Variants in ANO2 observed in about 807,000 individuals in gnomAD.
ANO2 encodes the protein anoctamin-2.
In ANO2, 101 loss-of-function variants were observed where a neutral mutation model predicts 124.2. That is an observed-to-expected ratio of 0.81 (90% CI 0.69 to 0.96). The LOEUF (loss-of-function observed/expected upper bound fraction) is 0.96, where lower values mean the gene tolerates loss of function less well. Ranked by LOEUF, ANO2 falls within the 40% of genes least tolerant of loss-of-function variation. ANO2 has a pLI of 0.00. For synonymous variants in ANO2, 486 were observed against 482.5 expected, an observed-to-expected ratio of 1.01 and a Z score of -0.09; for missense variants, 1,293 against 1,274.5, an observed-to-expected ratio of 1.01 and a Z score of -0.22.
At chr12:5,750,026 G>C (rs966888647) in intron 11 of ANO2, among the ~76,000 whole-genome samples, 1 of 151,902 alleles carries the variant, frequency 6.6e-6, no homozygotes, top group African/African-American at 2.4e-5. Context: ...AAGCTCCTGG[G>C]CTCAAGCAGT....
At chr12:5,881,077 C>G (rs542960227) in intron 3 of ANO2, among the ~76,000 whole-genome samples, 3 of 152,220 alleles carry the variant, frequency 2.0e-5, no homozygotes, top group African/African-American at 7.2e-5. Context: ...AGCATCCCTT[C>G]CAGAATAAGT....
At chr12:5,627,746 T>C (rs1444728633) in intron 16 of ANO2, among the ~76,000 whole-genome samples, 4 of 152,172 alleles carry the variant, frequency 2.6e-5, no homozygotes, top group African/African-American at 9.7e-5. Flanking sequence ...AGTAATAATA[T>C]ATTGCCTTTT....
chr12:5,915,978 T>C lies in ANO2; in HGVS notation c.534+5062A>G, dbSNP rs1941352730. 2.6e-5 allele frequency among the ~76,000 whole-genome samples: 4 copies of C among 152,064 alleles called. No individual in the cohort carries two copies. The South Asian group carries it at 8.3e-4, about 32-fold the overall frequency. ...GTGGTGGCTGCAAACTGCTCATTCA[T>C]TAAAATAATGGAGTCTGGCCAGGCA... On this transcript the variant is annotated intron_variant, in intron 3 of 24. Coordinates refer to ENST00000682330, the MANE Select transcript of ANO2 (RefSeq NM_001364791.2).
rs145940682 is a variant in ANO2 at position 5,850,606 on chromosome 12, A to T, written c.633+3437T>A. On this transcript the variant is annotated intron_variant, in intron 4 of 24. Coordinates refer to ENST00000682330, the MANE Select transcript of ANO2 (RefSeq NM_001364791.2). ...CCCTACTCCCTAACCCACCACATTG[A>T]CAAACAGAATTGGTGCTGGGCTAAT... Among the ~76,000 whole-genome samples the T allele has an allele frequency of 3.3e-5, 5 of 152,214 alleles. No homozygotes were observed. In the East Asian group the frequency reaches 9.7e-4, roughly 29 times the overall value.
At chr12:5,923,206 ACACC>A (rs1163818398) in intron 1 of ANO2, among the ~76,000 whole-genome samples, 1 of 149,160 alleles carries the variant, frequency 6.7e-6, no homozygotes, top group Non-Finnish European at 1.5e-5. Context: ...GCACGCACAC[ACACC>A]CACATACACA....
At chr12:5,875,137 G>A (rs1938003995) in intron 3 of ANO2, among the ~76,000 whole-genome samples, 1 of 152,274 alleles carries the variant, frequency 6.6e-6, no homozygotes, top group African/African-American at 2.4e-5. Context: ...GGCCAGCTCT[G>A]TGTCTTTTAC....
At chr12:5,873,204 T>G (rs1487309825) in intron 3 of ANO2, among the ~76,000 whole-genome samples, 5 of 39,086 alleles carry the variant, frequency 1.3e-4, no homozygotes, top group Non-Finnish European at 2.7e-4. Flanking sequence ...CAGCTCTCTC[T>G]CTCTCTCTCT....
At chr12:5,861,411 G>A (rs1050663130) in intron 3 of ANO2, among the ~76,000 whole-genome samples, 10 of 151,898 alleles carry the variant, frequency 6.6e-5, no homozygotes, top group African/African-American at 2.2e-4. Context: ...TGGAGGTCGC[G>A]CTCCTGGTGA....
chr12:5,714,875 C>A (rs1158257166), intron 14 of ANO2, among the ~76,000 whole-genome samples: 2 of 152,072 alleles, frequency 1.3e-5, no homozygotes, highest in Non-Finnish European at 2.9e-5. Context: ...TTCAAAGAGC[C>A]CTATCAGATT....
chr12:5,884,385 T>C (rs1938736257), intron 3 of ANO2, among the ~76,000 whole-genome samples: 1 of 152,248 alleles, frequency 6.6e-6, no homozygotes, highest in Admixed American at 6.5e-5. Context: ...ATTTAAAGTC[T>C]GTCCTTTCGT....
intron 10 of ANO2, among the ~76,000 whole-genome samples, chr12:5,755,814 T>C (rs2137099377): frequency 6.6e-6 from 1 of 152,312 alleles, no homozygotes; most frequent in South Asian, 2.1e-4. Context: ...AAATTCAATT[T>C]TAAGGTGACT....
At chr12:5,875,080 T>A (rs1938000268) in intron 3 of ANO2, among the ~76,000 whole-genome samples, 1 of 152,216 alleles carries the variant, frequency 6.6e-6, no homozygotes, top group African/African-American at 2.4e-5. Flanking sequence ...CCCTCTCTCA[T>A]CACTGAAATT....
At chr12:5,874,784 C>G (rs373084364) in intron 3 of ANO2, among the ~76,000 whole-genome samples, 1 of 152,196 alleles carries the variant, frequency 6.6e-6, no homozygotes, top group African/African-American at 2.4e-5. Context: ...TTAGAGTCCA[C>G]GTCTTTTTTT....
At chr12:5,738,400 C>T (rs928677803) in intron 13 of ANO2, among the ~76,000 whole-genome samples, 2 of 152,196 alleles carry the variant, frequency 1.3e-5, no homozygotes, top group African/African-American at 4.8e-5. Context: ...GTGGCCAGTC[C>T]TTGCAAGTGG....
intron 3 of ANO2, among the ~76,000 whole-genome samples, chr12:5,912,912 G>A (rs534686495): frequency 1.3e-5 from 2 of 152,178 alleles, no homozygotes; most frequent in Admixed American, 6.5e-5. Context: ...GTAGAGACGA[G>A]GGCATCATTA....
At chr12:5,852,148 C>A (rs1954931393) in intron 4 of ANO2, among the ~76,000 whole-genome samples, 1 of 152,128 alleles carries the variant, frequency 6.6e-6, no homozygotes, top group Non-Finnish European at 1.5e-5. Context: ...GAAGCAGAAG[C>A]CTCCACCCAA....
At chr12:5,724,717 C>A (rs1950366347) in intron 14 of ANO2, among the ~76,000 whole-genome samples, 2 of 152,186 alleles carry the variant, frequency 1.3e-5, no homozygotes, top group African/African-American at 4.8e-5. Flanking sequence ...TCCACGGCCT[C>A]CTCTAGGCTC....
rs1018705253 is a variant in ANO2, at chr12:5,904,017, G to A, written c.534+17023C>T. Among the ~76,000 whole-genome samples the A allele has an allele frequency of 1.6e-4, 24 of 152,020 alleles. 1 individual carries two copies. The highest frequency in any genetic ancestry group is 4.8e-4 in the African/African-American group (20 of 41,366). The stretch of plus-strand genomic sequence containing the variant: ...ACATGGGTCATCCTGCATGACCCTG[G>A]GCAATTTCCTGCCTTCTGCTTTCTT... On this transcript the variant is annotated intron_variant, in intron 3 of 24. Transcript: ENST00000682330. The surrounding 1 kb of genome is among the most constrained non-coding windows in gnomAD (Gnocchi z 4.1).
At chr12:5,800,117 G>A (rs573891722) in intron 9 of ANO2, among the ~76,000 whole-genome samples, 2 of 152,334 alleles carry the variant, frequency 1.3e-5, no homozygotes, top group African/African-American at 4.8e-5. Context: ...CCTCTCTGAG[G>A]AGGTGACATT....
Sources: allele counts gnomAD v4.1 joint callset (sites outside exome capture counted in the v4.1 genomes callset), GRCh38; gene constraint gnomAD v4.1.1; non-coding constraint Gnocchi (gnomAD v3.1); transcripts MANE v1.5; gene names NCBI Gene and HGNC (gene_info 2026-07-23, HGNC 2026-07-21).